Variants in FRMD3 observed in about 807,000 individuals in gnomAD.
The protein encoded by FRMD3 is FERM domain-containing protein 3.
Under a neutral mutation model 70.2 loss-of-function variants are expected in FRMD3, and 33 were observed. The observed-to-expected ratio is 0.47, with a 90% CI of 0.36 to 0.63. The LOEUF (loss-of-function observed/expected upper bound fraction) is 0.63, where lower values mean the gene tolerates loss of function less well. Ranked by LOEUF, FRMD3 falls within the 20% of genes least tolerant of loss-of-function variation. The pLI is 0.00. For missense variants in FRMD3, 632 were observed against 711.4 expected (o/e 0.89, Z 1.27); for synonymous variants, 279 against 255.9 (o/e 1.09, Z -0.86).
chr9:83,546,388 C>T, the FRMD3 span, among the ~76,000 whole-genome samples: 1 of 151,934 alleles, frequency 6.6e-6, no homozygotes, highest in South Asian at 2.1e-4. Context: ...AAACTGTCAG[C>T]CAACAATTCT....
intron 13 of FRMD3, among the ~76,000 whole-genome samples, chr9:83,272,713 G>A (rs1012473717): frequency 1.5e-4 from 22 of 148,902 alleles, no homozygotes; most frequent in Admixed American, 5.3e-4. Context: ...CTTCCCGGCC[G>A]CCATCCCATC....
intron 12 of FRMD3, among the ~76,000 whole-genome samples, chr9:83,296,691 T>C (rs1032128174): frequency 6.6e-6 from 1 of 152,116 alleles, no homozygotes; most frequent in South Asian, 2.1e-4. Flanking sequence ...TGCAGTAATA[T>C]CTTGGGAGAT....
chr9:83,480,598 T>A (rs7021023), intron 1 of FRMD3, among the ~76,000 whole-genome samples: 8 of 151,160 alleles, frequency 5.3e-5, no homozygotes, highest in African/African-American at 1.2e-4. Context: ...CGGGTTCAAG[T>A]GATTCTCCTG....
chr9:83,260,899 TG>T (rs1284110790), intron 13 of FRMD3, among the ~76,000 whole-genome samples: 4 of 152,132 alleles, frequency 2.6e-5, no homozygotes, highest in Non-Finnish European at 5.9e-5. Flanking sequence ...TCCTGTCCCA[TG>T]GGTTTAAAGA....
intron 6 of FRMD3, among the ~76,000 whole-genome samples, chr9:83,322,702 A>G (rs970633138): frequency 1.3e-5 from 2 of 152,196 alleles, no homozygotes; most frequent in African/African-American, 4.8e-5. Context: ...ACACAAGATC[A>G]TAAAAGCTGA....
In FRMD3 at chr9:83,362,110, A is replaced by G. The variant is rs776986896; in HGVS notation, c.295+10803T>C. Among the ~76,000 whole-genome samples, 3 of 152,122 alleles carry G rather than the reference A, an allele frequency of 2.0e-5. No individual in the cohort carries two copies. In the South Asian group the frequency reaches 6.2e-4, roughly 32 times the overall value. ...GAACAAGTAGAGTTGAGAGTCAATC[A>G]TCCAAGCTGGCCTCATGAGTATGAG... On this transcript the variant is annotated intron_variant, in intron 3 of 13. Coordinates refer to ENST00000304195, the MANE Select transcript of FRMD3 (RefSeq NM_174938.6).
chr9:83,465,125 T>C (rs1159807497), intron 1 of FRMD3, among the ~76,000 whole-genome samples: 1 of 152,100 alleles, frequency 6.6e-6, no homozygotes, highest in African/African-American at 2.4e-5. Context: ...TGGCCCTTCA[T>C]TCTGTATTTT....
intron 1 of FRMD3, among the ~76,000 whole-genome samples, chr9:83,473,444 T>C (rs1339939836): frequency 2.6e-5 from 4 of 152,206 alleles, no homozygotes; most frequent in African/African-American, 9.7e-5. Context: ...CTGTTGCTAT[T>C]TAATTGTTTC....
intron 13 of FRMD3, 50 bp from the exon 14 acceptor site, chr9:83,248,566 C>T: frequency 6.6e-7 from 1 of 1,509,500 alleles, no homozygotes; most frequent in Non-Finnish European, 8.8e-7. Flanking sequence ...GATTTTCCCA[C>T]AAAAATCTGC....
intron 1 of FRMD3, among the ~76,000 whole-genome samples, chr9:83,515,016 C>A (rs899372971): frequency 6.6e-6 from 1 of 152,118 alleles, no homozygotes; most frequent in South Asian, 2.1e-4. Flanking sequence ...GAAAAAACAG[C>A]GCAAAAAGGC....
intron 1 of FRMD3, among the ~76,000 whole-genome samples, chr9:83,451,042 TC>T (rs1323651037): frequency 6.6e-6 from 1 of 152,198 alleles, no homozygotes; most frequent in African/African-American, 2.4e-5. Context: ...GAACACGAGT[TC>T]CCTAAATCAC....
At chr9:83,451,215 A>G (rs1221197027) in intron 1 of FRMD3, among the ~76,000 whole-genome samples, 2 of 152,148 alleles carry the variant, frequency 1.3e-5, no homozygotes, top group African/African-American at 4.8e-5. Flanking sequence ...GTTAGATTGT[A>G]TTTTCCATAC....
chr9:83,410,673 G>A (rs1826254022), intron 1 of FRMD3, among the ~76,000 whole-genome samples: 1 of 152,198 alleles, frequency 6.6e-6, no homozygotes, highest in African/African-American at 2.4e-5. Flanking sequence ...CCAGTAATGG[G>A]ATTGCTGGGT....
At chr9:83,409,761 CTGGACCCAG>C (rs1826227341) in intron 1 of FRMD3, among the ~76,000 whole-genome samples, 1 of 152,250 alleles carries the variant, frequency 6.6e-6, no homozygotes, top group Non-Finnish European at 1.5e-5. Flanking sequence ...CAAATAAGAG[CTGGACCCAG>C]GACATGAACT....
At chr9:83,423,000 G>A (rs568898743) in intron 1 of FRMD3, among the ~76,000 whole-genome samples, 16 of 152,264 alleles carry the variant, frequency 1.1e-4, no homozygotes, top group Non-Finnish European at 1.8e-4. Flanking sequence ...GGCCTCTTCA[G>A]GGAACAGCAA....
At chr9:83,294,406 T>C (rs1435451698) in intron 12 of FRMD3, among the ~76,000 whole-genome samples, 1 of 152,220 alleles carries the variant, frequency 6.6e-6, no homozygotes, top group Non-Finnish European at 1.5e-5. Flanking sequence ...TCCTTTAAAC[T>C]AAAGATTACA....
chr9:83,339,863 C>T (rs373338478), intron 5 of FRMD3, among the ~76,000 whole-genome samples: 27 of 152,272 alleles, frequency 1.8e-4, no homozygotes, highest in South Asian at 6.2e-4. Context: ...TCCCAGCAGG[C>T]GGCCAACCAG....
At chr9:83,330,056 C>T (rs971911463) in intron 6 of FRMD3, among the ~76,000 whole-genome samples, 5 of 152,026 alleles carry the variant, frequency 3.3e-5, no homozygotes, top group African/African-American at 7.2e-5. Flanking sequence ...AAACAGAAAC[C>T]AAGAGGGACA....
At chr9:83,373,306 CTT>C (rs2131258761) in intron 2 of FRMD3, among the ~76,000 whole-genome samples, 1 of 152,250 alleles carries the variant, frequency 6.6e-6, no homozygotes, top group East Asian at 1.9e-4. Flanking sequence ...TGGCTAAAGA[CTT>C]TTAGCATTTG....
Sources: gnomAD v4.1 joint callset for allele counts (sites outside exome capture counted in the v4.1 genomes callset) on GRCh38, gnomAD v4.1.1 for gene constraint, MANE v1.5 for transcripts, NCBI Gene and HGNC (gene_info 2026-07-23, HGNC 2026-07-21) for gene names.